SLC10A7: variants seen among roughly 807,000 people sequenced by gnomAD.
SLC10A7 encodes the protein solute carrier family 10 member 7.
Under a neutral mutation model 43.2 loss-of-function variants are expected in SLC10A7, and 29 were observed. The ratio of observed to expected loss-of-function variants is 0.67; its 90% CI spans 0.50 to 0.92. SLC10A7 has a LOEUF of 0.92. Ranked by LOEUF, SLC10A7 falls within the 40% of genes least tolerant of loss-of-function variation. The pLI is 0.00. For synonymous variants in SLC10A7, 152 were observed against 144.8 expected (o/e 1.05, Z -0.35); for missense variants, 295 against 403.2 (o/e 0.73, Z 2.30).
intron 4 of SLC10A7, among the ~76,000 whole-genome samples, chr4:146,471,008 A>C (rs1733522498): frequency 6.6e-6 from 1 of 152,242 alleles, no homozygotes; most frequent in East Asian, 1.9e-4. Context: ...TGTCATTTTA[A>C]ATTAGCTTAA....
chr4:146,268,379 G>T (rs1728692872), intron 10 of SLC10A7, among the ~76,000 whole-genome samples: 2 of 152,142 alleles, frequency 1.3e-5, no homozygotes, highest in South Asian at 4.2e-4. Flanking sequence ...TCATAAACTT[G>T]ATGTCTAAGG....
intron 4 of SLC10A7, among the ~76,000 whole-genome samples, chr4:146,485,951 T>G (rs1328823733): frequency 6.6e-6 from 1 of 152,078 alleles, no homozygotes; most frequent in Non-Finnish European, 1.5e-5. Flanking sequence ...TTTAAAAATA[T>G]AGAGATTAAA....
intron 11 of SLC10A7, 66 bp from the exon 12 acceptor site, chr4:146,256,586 A>T: frequency 6.6e-7 from 1 of 1,518,634 alleles, no homozygotes; most frequent in Non-Finnish European, 9.1e-7. Context: ...GCATCAATTA[A>T]CACCAGATAA....
At chr4:146,449,555 G>A (rs1162226625) in intron 4 of SLC10A7, among the ~76,000 whole-genome samples, 1 of 152,106 alleles carries the variant, frequency 6.6e-6, no homozygotes, top group East Asian at 1.9e-4. Flanking sequence ...GAGGGCCACA[G>A]TGTGACAGTA....
chr4:146,444,073 G>A (rs1333048966), intron 4 of SLC10A7, among the ~76,000 whole-genome samples: 1 of 152,136 alleles, frequency 6.6e-6, no homozygotes, highest in Non-Finnish European at 1.5e-5. Context: ...GATGACAATT[G>A]TAAACTATAG....
chr4:146,266,757 G>A (rs1222306929), intron 10 of SLC10A7, among the ~76,000 whole-genome samples: 6 of 152,132 alleles, frequency 3.9e-5, no homozygotes, highest in East Asian at 3.9e-4. Flanking sequence ...GAAGCTTGGC[G>A]CAGAAGCTGG....
chr4:146,471,050 T>G (rs946588714), intron 4 of SLC10A7, among the ~76,000 whole-genome samples: 1 of 152,218 alleles, frequency 6.6e-6, no homozygotes, highest in Non-Finnish European at 1.5e-5. Flanking sequence ...GAGTATCCCT[T>G]AACCAAAATG....
At chr4:146,292,636 A>G (rs1188353319) in intron 9 of SLC10A7, among the ~76,000 whole-genome samples, 1 of 152,200 alleles carries the variant, frequency 6.6e-6, no homozygotes, top group Admixed American at 6.5e-5. Context: ...AAACATTGCA[A>G]TGGATGGTTT....
intron 3 of SLC10A7, among the ~76,000 whole-genome samples, chr4:146,509,019 C>T (rs889557358): frequency 6.6e-6 from 1 of 152,170 alleles, no homozygotes; most frequent in Non-Finnish European, 1.5e-5. Context: ...TGCCCTAGAG[C>T]CTTTGTACAT....
At chr4:146,420,324 T>C (rs1275974589) in intron 5 of SLC10A7, among the ~76,000 whole-genome samples, 1 of 152,240 alleles carries the variant, frequency 6.6e-6, no homozygotes, top group Non-Finnish European at 1.5e-5. Context: ...AATCTTAAGA[T>C]CTTTGAGTCC....
chr4:146,475,610 G>A (rs908312047), intron 4 of SLC10A7, among the ~76,000 whole-genome samples: 41 of 152,030 alleles, frequency 2.7e-4, no homozygotes, highest in African/African-American at 7.3e-4. Flanking sequence ...TCAGCCTCTT[G>A]GACAACTTAA....
intron 4 of SLC10A7, among the ~76,000 whole-genome samples, chr4:146,458,189 A>G (rs1732244459): frequency 6.6e-6 from 1 of 151,822 alleles, no homozygotes; most frequent in African/African-American, 2.4e-5. Flanking sequence ...AATCAATCAA[A>G]GCAATTCACC....
At chr4:146,399,530 G>A (rs900563240) in intron 5 of SLC10A7, among the ~76,000 whole-genome samples, 1 of 151,866 alleles carries the variant, frequency 6.6e-6, no homozygotes, top group East Asian at 1.9e-4. Context: ...CAGCACAACA[G>A]GCATAATTAC....
intron 4 of SLC10A7, among the ~76,000 whole-genome samples, chr4:146,462,834 G>A (rs533476657): frequency 2.6e-5 from 4 of 152,130 alleles, no homozygotes; most frequent in African/African-American, 7.2e-5. Context: ...CTGGTCAAAC[G>A]TTTTATATCT....
chr4:146,368,679 G>A (rs1736559916), intron 5 of SLC10A7, among the ~76,000 whole-genome samples: 1 of 152,054 alleles, frequency 6.6e-6, no homozygotes. Context: ...TATTAAATTG[G>A]CTTTGAGTAA....
intron 5 of SLC10A7, among the ~76,000 whole-genome samples, chr4:146,350,447 G>T (rs1211733764): frequency 7.1e-6 from 1 of 141,450 alleles, no homozygotes; most frequent in African/African-American, 2.7e-5. Context: ...CGGCAGCGAG[G>T]CTGGGGGAGG....
At chr4:146,509,330 A>G (rs1172938761) in intron 3 of SLC10A7, among the ~76,000 whole-genome samples, 1 of 152,190 alleles carries the variant, frequency 6.6e-6, no homozygotes, top group African/African-American at 2.4e-5. Flanking sequence ...GATATCCCCA[A>G]CATCATTGGT....
chr4:146,516,489 C>CACAT (rs1738002296), intron 2 of SLC10A7, among the ~76,000 whole-genome samples: 1 of 142,820 alleles, frequency 7.0e-6, no homozygotes, highest in African/African-American at 2.6e-5. Context: ...TATATATATA[C>CACAT]ACATATACAT....
chr4:146,299,103 C>T (rs1370445240), intron 7 of SLC10A7, among the ~76,000 whole-genome samples: 1 of 152,196 alleles, frequency 6.6e-6, no homozygotes, highest in Non-Finnish European at 1.5e-5. Flanking sequence ...TCTTTTTCTT[C>T]TCCCTCTAGT....
Sources: gnomAD v4.1 joint callset for allele counts (sites outside exome capture counted in the v4.1 genomes callset) on GRCh38, gnomAD v4.1.1 for gene constraint, MANE v1.5 for transcripts, NCBI Gene and HGNC (gene_info 2026-07-23, HGNC 2026-07-21) for gene names.